PFKFB2: variants seen among roughly 807,000 people sequenced by gnomAD.
The protein encoded by PFKFB2 is 6-phosphofructo-2-kinase/fructose-2,6-bisphosphatase 2.
PFKFB2 carries 53 observed loss-of-function variants against 68.0 expected under a neutral mutation model. That is an observed-to-expected ratio of 0.78 (90% CI 0.63 to 0.98). The LOEUF (loss-of-function observed/expected upper bound fraction) is 0.98, where lower values mean the gene tolerates loss of function less well. Ranked by LOEUF, PFKFB2 falls within the 50% of genes least tolerant of loss-of-function variation. The pLI is 0.00. For missense variants in PFKFB2, 451 were observed against 642.0 expected (o/e 0.70, Z 3.22); for synonymous variants, 222 against 227.6 (o/e 0.98, Z 0.22).
Position 207,063,481 on chromosome 1 carries a change from A to G in PFKFB2, c.450+60A>G, listed in dbSNP as rs116343847. 4.9e-5 allele frequency: 56 copies of G among 1,148,730 alleles called. No homozygotes were observed. In the African/African-American group the frequency reaches 7.3e-4, roughly 15 times the overall value. The allele number at this position is 1,148,730 out of a possible 1,614,324, so 71.2% of individuals were successfully genotyped here. A position where few individuals can be genotyped will look rare whatever the true frequency, so the allele number is the denominator to read the frequency against. The stretch of plus-strand genomic sequence containing the variant: ...GAGTAGAGGTGGGGAGTCAGGCTAC[A>G]GGCATGGATCTCTCACTCTAGTGGG... On this transcript the variant is annotated intron_variant, in intron 6 of 14. Transcript: ENST00000367080. This position sits in a 1 kb window ranked among gnomAD's most constrained non-coding sequence, Gnocchi z 4.1.
upstream of PFKFB2, chr1:207,049,042 T>A (rs754563952): frequency 3.1e-6 from 5 of 1,613,688 alleles, no homozygotes; most frequent in Admixed American, 8.3e-5. Context: ...AAAGTTGGTA[T>A]GGCCTGTCTC....
intron 10 of PFKFB2, among the ~76,000 whole-genome samples, chr1:207,069,170 TC>T (rs1384196953): frequency 2.6e-5 from 4 of 152,182 alleles, no homozygotes; most frequent in South Asian, 2.1e-4. Flanking sequence ...ACCTGTAAGT[TC>T]CCCCCAGTAG....
At chr1:207,052,066 T>C (rs960384713), upstream of PFKFB2, 31 of 799,078 alleles carry the variant, frequency 3.9e-5, no homozygotes, top group Middle Eastern at 2.4e-4. Context: ...ATACTCATTG[T>C]TCTTTATCCA....
At chr1:207,048,137 T>C (rs1682642287) in intron 2 of PFKFB2, 1 of 152,628 alleles carries the variant, frequency 6.6e-6, no homozygotes, top group Admixed American at 6.5e-5. Context: ...ATTAAAAAAG[T>C]ACCCTGCTTA....
intron 2 of PFKFB2, among the ~76,000 whole-genome samples, chr1:207,056,917 G>A (rs2102339621): frequency 6.6e-6 from 1 of 152,300 alleles, no homozygotes; most frequent in African/African-American, 2.4e-5. Flanking sequence ...ATCAGCGGCT[G>A]CTTTATTAAT....
intron 1 of PFKFB2, among the ~76,000 whole-genome samples, chr1:207,037,102 A>G (rs1682390387): frequency 2.0e-5 from 3 of 152,140 alleles, no homozygotes; most frequent in Admixed American, 6.5e-5. Flanking sequence ...CTATCTGGCT[A>G]CTTTCTCCTT....
intron 7 of PFKFB2, among the ~76,000 whole-genome samples, chr1:207,064,823 A>G (rs1311650303): frequency 6.6e-6 from 1 of 150,944 alleles, no homozygotes; most frequent in East Asian, 2.0e-4. Context: ...AAGTGCAGGC[A>G]CATGACTCCC....
Position 207,063,226 on chromosome 1 carries a change from G to A in PFKFB2, c.375+17G>A. 1 of 1,611,334 alleles carries A rather than the reference G, an allele frequency of 6.2e-7. No individual in the cohort carries two copies. Among genetic ancestry groups the A allele is most frequent in the Non-Finnish European group, 8.5e-7 (1 of 1,177,460 alleles). The stretch of plus-strand genomic sequence containing the variant: ...CAGATTGCGGTAAGCTTTATCTGCT[G>A]CTTCTTCTTTCTGGTCCCCACCCTT... On this transcript the variant is annotated intron_variant, in intron 5 of 14. Coordinates refer to ENST00000367080, the MANE Select transcript of PFKFB2 (RefSeq NM_006212.2). This position sits in a 1 kb window ranked among gnomAD's most constrained non-coding sequence, Gnocchi z 4.1.
chr1:207,039,012 C>T (rs1682431297), intron 1 of PFKFB2, among the ~76,000 whole-genome samples: 1 of 152,092 alleles, frequency 6.6e-6, no homozygotes, highest in Non-Finnish European at 1.5e-5. Flanking sequence ...TAACAATTTT[C>T]CGAGATAAGT....
chr1:207,080,168 T>C (rs1338317926), downstream of PFKFB2: 1 of 152,252 alleles, frequency 6.6e-6, no homozygotes, highest in Admixed American at 6.5e-5. Flanking sequence ...TTTTGACATG[T>C]CACTGTTACT....
At chr1:207,067,430 C>A in intron 8 of PFKFB2, 69 bp from the exon 9 acceptor site, 1 of 1,152,422 alleles carries the variant, frequency 8.7e-7, no homozygotes, top group Non-Finnish European at 1.3e-6. Flanking sequence ...TGTAGAAATC[C>A]TTTTCCCTCT....
At chr1:207,049,648 C>A, upstream of PFKFB2, 3 of 1,614,228 alleles carry the variant, frequency 1.9e-6, no homozygotes, top group Non-Finnish European at 2.5e-6. Flanking sequence ...CCTGACGTAA[C>A]TAGAAGCACC....
At position 207,077,177 on chromosome 1, in the gene PFKFB2, C is replaced by A. The variant is rs1165068511; in HGVS notation, c.*4806C>A. 3.8e-5 allele frequency: 37 copies of A among 985,242 alleles called. No individual in the cohort carries two copies. The highest frequency in any genetic ancestry group is 6.2e-5 in the Admixed American group (1 of 16,248). The allele number at this position is 985,242 out of a possible 1,614,324, so 61.0% of individuals were successfully genotyped here. On this transcript the variant is annotated 3_prime_UTR_variant, in exon 15 of 15. Coordinates refer to ENST00000367080, the MANE Select transcript of PFKFB2 (RefSeq NM_006212.2). ...CCTGCTTTAGGGCAGGACTTCAGTT[C>A]CACTGTTCATTTCTGAAGCTTCTGT...
At chr1:207,057,302 CAAA>C (rs748726221) in intron 2 of PFKFB2, among the ~76,000 whole-genome samples, 85 of 40,404 alleles carry the variant, frequency 2.1e-3, no homozygotes, top group Middle Eastern at 0.012. Context: ...AAAAAAACTA[CAAA>C]AAAAAAAAAA....
In PFKFB2 at chr1:207,062,519, T is replaced by C. The variant is rs925467348; in HGVS notation, c.212-101T>C. 27 of 1,530,312 alleles carry C rather than the reference T, an allele frequency of 1.8e-5. No homozygotes were observed. In the East Asian group the frequency reaches 6.1e-4, roughly 35 times the overall value. The allele number at this position is 1,530,312 out of a possible 1,614,324, so 94.8% of individuals were successfully genotyped here. ...CCCAACCTACCATGCTGCCGCTTTTTTCATCCCCTTGGTCACTCCGACATT... is the reference window on the plus strand; with the variant it reads ...CCCAACCTACCATGCTGCCGCTTTTCTCATCCCCTTGGTCACTCCGACATT... On this transcript the variant is annotated intron_variant, in intron 3 of 14. Coordinates refer to ENST00000367080, the MANE Select transcript of PFKFB2 (RefSeq NM_006212.2).
At chr1:207,046,828 CAA>C (rs1682609662) in intron 2 of PFKFB2, 1 of 151,944 alleles carries the variant, frequency 6.6e-6, no homozygotes, top group Admixed American at 6.6e-5. Flanking sequence ...TGGAACATAT[CAA>C]AACATATGAC....
chr1:207,068,753 T>TC (rs1683379157), intron 10 of PFKFB2, among the ~76,000 whole-genome samples: 1 of 150,934 alleles, frequency 6.6e-6, no homozygotes, highest in African/African-American at 2.5e-5. Context: ...TTTCTTTCTT[T>TC]TTTTTTTTTT....
chr1:207,046,166 C>T (rs548956885), intron 2 of PFKFB2: 1 of 152,076 alleles, frequency 6.6e-6, no homozygotes, highest in South Asian at 2.1e-4. Context: ...ATTCACTTTG[C>T]CACTAATATA....
At chr1:207,049,993 A>C (rs1303633754), upstream of PFKFB2, among the ~76,000 whole-genome samples, 1 of 152,228 alleles carries the variant, frequency 6.6e-6, no homozygotes, top group Non-Finnish European at 1.5e-5. Context: ...CTAAAAAGAT[A>C]CATTTCAAAA....
Sources: allele counts gnomAD v4.1 joint callset (sites outside exome capture counted in the v4.1 genomes callset), GRCh38; gene constraint gnomAD v4.1.1; non-coding constraint Gnocchi (gnomAD v3.1); transcripts MANE v1.5; gene names NCBI Gene and HGNC (gene_info 2026-07-23, HGNC 2026-07-21).